CYP7B1: variants seen among roughly 807,000 people sequenced by gnomAD.
CYP7B1 encodes cytochrome P450 family 7 subfamily B member 1.
CYP7B1 carries 29 observed loss-of-function variants against 42.7 expected under a neutral mutation model. The ratio of observed to expected loss-of-function variants is 0.68; its 90% confidence interval spans 0.51 to 0.93. The LOEUF is 0.93. Ranked by LOEUF, CYP7B1 falls within the 40% of genes least tolerant of loss-of-function variation. CYP7B1 has a pLI of 0.00. For synonymous variants in CYP7B1, 235 were observed against 218.2 expected (o/e 1.08, Z -0.68); for missense variants, 655 against 600.5 (o/e 1.09, Z -0.95).
intron 1 of CYP7B1, among the ~76,000 whole-genome samples, chr8:64,625,731 A>T (rs1408694992): frequency 1.3e-5 from 2 of 152,192 alleles, no homozygotes; most frequent in Non-Finnish European, 2.9e-5. Flanking sequence ...TGTTTTCTAT[A>T]CAGCACAGTG....
chr8:64,639,490 T>G (rs1047808471), intron 1 of CYP7B1, among the ~76,000 whole-genome samples: 2 of 151,984 alleles, frequency 1.3e-5, no homozygotes, highest in African/African-American at 4.8e-5. Context: ...AAGATAGACA[T>G]AGGCACATGA....
At position 64,622,138 on chromosome 8, in the gene CYP7B1, ATGCATAAAATGCATTATTTGCATAATAC is replaced by A. The variant is rs1479429615; in HGVS notation, c.259+2237_259+2264del. ...ATTAAAATACATTATTTGAATAATA[ATGCATAAAATGCATTATTTGCATAATAC>A]TGCATAAAATGCATTATTTGCATAA... On this transcript the variant is annotated intron_variant, in intron 2 of 5. Coordinates refer to ENST00000310193, the MANE Select transcript of CYP7B1 (RefSeq NM_004820.5). 9.7e-3 allele frequency among the ~76,000 whole-genome samples: 1,472 copies of A among 151,804 alleles called. 26 individuals are homozygous for A. Among genetic ancestry groups the A allele is most frequent in the African/African-American group, 0.033 (1,356 of 41,184 alleles).
At chr8:64,792,869 T>G (rs1804642780) in intron 1 of CYP7B1, among the ~76,000 whole-genome samples, 1 of 152,138 alleles carries the variant, frequency 6.6e-6, no homozygotes, top group Non-Finnish European at 1.5e-5. Flanking sequence ...ATGCATTTTT[T>G]TTAATGTAGG....
At chr8:64,666,487 T>G (rs572027379) in intron 1 of CYP7B1, among the ~76,000 whole-genome samples, 3 of 152,292 alleles carry the variant, frequency 2.0e-5, no homozygotes, top group African/African-American at 7.2e-5. Flanking sequence ...AGAGAATTGC[T>G]CAGAGCAGTT....
At chr8:64,709,030 A>T (rs1807041431) in intron 1 of CYP7B1, among the ~76,000 whole-genome samples, 1 of 152,190 alleles carries the variant, frequency 6.6e-6, no homozygotes, top group African/African-American at 2.4e-5. Flanking sequence ...GTGATCTGAC[A>T]GGCACTGAGC....
chr8:64,663,785 G>A (rs1806235556), intron 1 of CYP7B1, among the ~76,000 whole-genome samples: 1 of 152,116 alleles, frequency 6.6e-6, no homozygotes, highest in Non-Finnish European at 1.5e-5. Context: ...CTTTCTCTAA[G>A]GACCAAAAAT....
chr8:64,717,799 A>T (rs1807179873), intron 1 of CYP7B1, among the ~76,000 whole-genome samples: 1 of 151,856 alleles, frequency 6.6e-6, no homozygotes, highest in Non-Finnish European at 1.5e-5. Flanking sequence ...ATAAGGTGAG[A>T]TTGCACCACT....
chr8:64,694,538 G>A (rs1021485477), intron 1 of CYP7B1, among the ~76,000 whole-genome samples: 2 of 152,188 alleles, frequency 1.3e-5, no homozygotes, highest in Non-Finnish European at 2.9e-5. Flanking sequence ...TGCTGGCCTC[G>A]GGACTGCCTG....
intron 1 of CYP7B1, among the ~76,000 whole-genome samples, chr8:64,681,800 C>A (rs996908685): frequency 6.6e-6 from 1 of 152,110 alleles, no homozygotes; most frequent in Non-Finnish European, 1.5e-5. Context: ...TCAGAACCAC[C>A]CAGCTCAGCC....
chr8:64,795,151 A>T (rs1253746862), intron 1 of CYP7B1, among the ~76,000 whole-genome samples: 3 of 152,252 alleles, frequency 2.0e-5, no homozygotes, highest in African/African-American at 7.2e-5. Flanking sequence ...AAATAGAATG[A>T]ATGAACTAAT....
chr8:64,632,901 T>TGAAAA (rs1205688274), intron 1 of CYP7B1, among the ~76,000 whole-genome samples: 1 of 151,320 alleles, frequency 6.6e-6, no homozygotes, highest in African/African-American at 2.4e-5. Flanking sequence ...GAAAGGAAGA[T>TGAAAA]GAAAAGAAAA....
At chr8:64,611,075 G>A (rs748131452) in intron 4 of CYP7B1, among the ~76,000 whole-genome samples, 1 of 151,870 alleles carries the variant, frequency 6.6e-6, no homozygotes, top group Non-Finnish European at 1.5e-5. Context: ...TGATCCTCTG[G>A]CCCATGTTGC....
intron 1 of CYP7B1, among the ~76,000 whole-genome samples, chr8:64,727,269 T>C (rs1807338566): frequency 6.6e-6 from 1 of 152,246 alleles, no homozygotes; most frequent in Non-Finnish European, 1.5e-5. Flanking sequence ...TTTTTATCCT[T>C]CTTATTTCTT....
intron 1 of CYP7B1, among the ~76,000 whole-genome samples, chr8:64,777,585 T>C (rs888379218): frequency 6.6e-6 from 1 of 152,104 alleles, no homozygotes; most frequent in Non-Finnish European, 1.5e-5. Flanking sequence ...CCGAATCACA[T>C]TGTCATTACA....
At chr8:64,792,211 G>A (rs1218035242) in intron 1 of CYP7B1, among the ~76,000 whole-genome samples, 3 of 152,132 alleles carry the variant, frequency 2.0e-5, no homozygotes, top group Admixed American at 2.0e-4. Flanking sequence ...TCCAAGCAAA[G>A]TGTTGAAAGG....
chr8:64,795,222 G>T (rs117845054), intron 1 of CYP7B1, among the ~76,000 whole-genome samples: 1 of 152,100 alleles, frequency 6.6e-6, no homozygotes, highest in African/African-American at 2.4e-5. Context: ...TAAGTTATAC[G>T]CAAAAAAGGA....
At chr8:64,626,076 G>A (rs1204186325) in intron 1 of CYP7B1, among the ~76,000 whole-genome samples, 1 of 152,088 alleles carries the variant, frequency 6.6e-6, no homozygotes, top group Non-Finnish European at 1.5e-5. Flanking sequence ...ATGGCACCTT[G>A]GAGACTTTCA....
chr8:64,671,129 AAGT>A (rs1806361407), intron 1 of CYP7B1, among the ~76,000 whole-genome samples: 1 of 152,124 alleles, frequency 6.6e-6, no homozygotes, highest in Non-Finnish European at 1.5e-5. Flanking sequence ...GAGGATATGA[AAGT>A]AGTAAGTTAC....
chr8:64,618,854 T>A (rs1030788738), intron 2 of CYP7B1, among the ~76,000 whole-genome samples: 1 of 152,168 alleles, frequency 6.6e-6, no homozygotes, highest in East Asian at 1.9e-4. Flanking sequence ...CTAATCTCAC[T>A]CCTTTCAAGG....
Sources: allele counts gnomAD v4.1 joint callset (sites outside exome capture counted in the v4.1 genomes callset), GRCh38; gene constraint gnomAD v4.1.1; transcripts MANE v1.5; gene names NCBI Gene and HGNC (gene_info 2026-07-23, HGNC 2026-07-21).